POLR1B: variants seen among roughly 807,000 people sequenced by gnomAD.
The protein encoded by POLR1B is DNA-directed RNA polymerase I subunit RPA2.
A neutral mutation model predicts 105.8 loss-of-function variants in POLR1B; 30 were observed. The observed-to-expected ratio is 0.28, with a 90% CI of 0.21 to 0.38. The LOEUF (loss-of-function observed/expected upper bound fraction) is 0.38. POLR1B is among the 10% of genes least tolerant of loss of function. POLR1B has a pLI of 1.00. For synonymous variants in POLR1B, 485 were observed against 505.1 expected (o/e 0.96, Z 0.53); for missense variants, 976 against 1,435.8 (o/e 0.68, Z 5.17).
rs764311376 is a variant in POLR1B at position 112,547,502 on chromosome 2, T to A, written c.427T>A (p.Ser143Thr). 2 of 1,614,006 alleles carry A rather than the reference T, an allele frequency of 1.2e-6. No homozygotes were observed. The highest frequency in any genetic ancestry group is 2.7e-5 in the African/African-American group (2 of 74,894). Residue 143 changes from serine to threonine, a missense_variant, in exon 3 of 15, where the codon TCC (serine) becomes ACC (threonine). Physicochemically the swap from Ser to Thr is moderately conservative, Grantham distance 58. Coordinates refer to ENST00000263331, the MANE Select transcript of POLR1B (RefSeq NM_019014.6). ...TGGCTATGTTCCCATCATGGTGAAA[T>A]CCAAGCTTTGCAACTTACGTAACCT... ...FLGYVPIMVK[S>T]KLCNLRNLPP...
rs749627780 is a variant in POLR1B, at chr2:112,552,623, T to C, written c.987-22T>C. The C allele has an allele frequency of 3.4e-5, 52 of 1,512,954 alleles. No homozygotes were observed. In the Middle Eastern group the frequency reaches 8.9e-4, roughly 26 times the overall value. 93.7% of individuals were successfully genotyped at this position (1,512,954 alleles called of 1,614,324 possible). A position where few individuals can be genotyped will look rare whatever the true frequency, so the allele number is the denominator to read the frequency against. On this transcript the variant is annotated intron_variant, in intron 6 of 14. Coordinates refer to ENST00000263331, the MANE Select transcript of POLR1B (RefSeq NM_019014.6). ...TTACCAACTGAATTGTTTTAAGCTT[T>C]TTTTTTTTTCTGTTTTCACAGCCAG... is the stretch of plus-strand genomic sequence containing the variant.
At chr2:112,542,095 G>A (rs945766387), upstream of POLR1B, 1 of 1,535,068 alleles carries the variant, frequency 6.5e-7, no homozygotes, top group East Asian at 2.4e-5. Context: ...ACAGGTGAAG[G>A]GAAACAGAAG....
Position 112,575,617 on chromosome 2 carries a change from C to T in POLR1B, c.3296C>T (p.Thr1099Ile). Residue 1099 changes from threonine to isoleucine, a missense_variant, in exon 15 of 15, where the codon ACT becomes ATT. Thr to Ile is a moderately conservative substitution (Grantham distance 89, BLOSUM62 -1). Coordinates refer to ENST00000263331, the MANE Select transcript of POLR1B (RefSeq NM_019014.6). This position sits in a 1 kb window ranked among gnomAD's most constrained non-coding sequence, Gnocchi z 5.3. ...SAMRNRKYNC[T>I]LCSRSDTIDT... is the part of the protein sequence containing the mutation. Reference sequence around the variant, plus strand: ...ATGCGCAACAGAAAATACAACTGTACTCTGTGTAGTCGCAGTGACACTATC... The same window carrying T: ...ATGCGCAACAGAAAATACAACTGTATTCTGTGTAGTCGCAGTGACACTATC... 1 of 1,614,138 alleles carries T rather than the reference C, an allele frequency of 6.2e-7. No individual in the cohort carries two copies.
Position 112,551,939 on chromosome 2 carries a change from A to C in POLR1B, c.927A>C (p.Arg309Ser). 1 of 1,614,226 alleles carries C rather than the reference A, an allele frequency of 6.2e-7. No homozygotes were observed. The highest frequency in any genetic ancestry group is 8.5e-7 in the Non-Finnish European group (1 of 1,180,052). ...TTAACTACCTAGGTGAATGCTTCAGAGTAAAACTCAATGTTCCTGACTGGT... is the reference window on the plus strand; with the variant it reads ...TTAACTACCTAGGTGAATGCTTCAGCGTAAAACTCAATGTTCCTGACTGGT... Reference protein sequence around the residue: ...QVLNYLGECFRVKLNVPDWYP... With the variant: ...QVLNYLGECFSVKLNVPDWYP... The change falls in exon 6 of 15, where the codon AGA (arginine) becomes AGC (serine). Residue 309 changes from arginine to serine, a missense_variant. Coordinates refer to ENST00000263331, the MANE Select transcript of POLR1B (RefSeq NM_019014.6).
In POLR1B at chr2:112,576,089, A is replaced by C. The variant is rs1684845734; in HGVS notation, c.*360A>C. 1 of 185,120 alleles carries C rather than the reference A, an allele frequency of 5.4e-6. No individual in the cohort carries two copies. The highest frequency in any genetic ancestry group is 2.4e-5 in the African/African-American group (1 of 42,256). 11.5% of individuals were successfully genotyped at this position (185,120 alleles called of 1,614,324 possible). A position where few individuals can be genotyped will look rare whatever the true frequency, so the allele number is the denominator to read the frequency against. On this transcript the variant is annotated 3_prime_UTR_variant, in exon 15 of 15. Coordinates refer to ENST00000263331, the MANE Select transcript of POLR1B (RefSeq NM_019014.6). ...AATCCATCTTGAGCAGGACAGTACT[A>C]TACAAATAGAATGCAAGCTGTAATG...
rs370920579 is a variant in POLR1B at position 112,542,472 on chromosome 2, G to T, written c.-23G>T. The T allele has an allele frequency of 1.9e-6, 3 of 1,613,614 alleles. No individual in the cohort carries two copies. In the South Asian group the frequency reaches 3.3e-5, roughly 18 times the overall value. ...GCGTCCGGCGTGTACCGAGAGACTG[G>T]CGTCCGGTGTGCAGGTGGCCACATG... On this transcript the variant is annotated 5_prime_UTR_variant, in exon 1 of 15. Transcript: ENST00000263331.
chr2:112,551,191 G>A lies in POLR1B; in HGVS notation c.762+189G>A, dbSNP rs111982100. ...TCTGTCTCACAGTTTCTGCGGGTCG[G>A]GAGTTTGGGAGTGCTTTGGCTGGGC... is the stretch of plus-strand genomic sequence containing the variant. On this transcript the variant is annotated intron_variant, in intron 5 of 14. Coordinates refer to ENST00000263331, the MANE Select transcript of POLR1B (RefSeq NM_019014.6). Among the ~76,000 whole-genome samples, 1,363 of 152,290 alleles carry A rather than the reference G, an allele frequency of 9.0e-3. 13 individuals carry two copies. Among genetic ancestry groups the A allele is most frequent in the African/African-American group, 0.018 (739 of 41,552 alleles).
upstream of POLR1B, chr2:112,542,180 C>G (rs1032353067): frequency 3.9e-6 from 6 of 1,535,618 alleles, no homozygotes; most frequent in East Asian, 2.4e-5. Context: ...ACATGCTCAA[C>G]TGGGCGGGGA....
Position 112,564,390 on chromosome 2 carries a change from C to G in POLR1B, c.1637C>G (p.Pro546Arg), listed in dbSNP as rs1181157081. 1.9e-6 allele frequency: 3 copies of G among 1,614,042 alleles called. No homozygotes were observed. The Admixed American group carries it at 5.0e-5, about 27-fold the overall frequency. The change falls in exon 10 of 15, where the codon CCC becomes CGC. Residue 546 changes from proline to arginine, a missense_variant. Transcript: ENST00000263331. ...NLGVTPIDGA[P>R]HRSYSECYPV... ...GGGGTCACTCCCATTGATGGAGCTC[C>G]CCACCGATCATACAGTGAGTGCTAC... is the stretch of plus-strand genomic sequence containing the variant.
chr2:112,552,688 T>A lies in POLR1B; in HGVS notation c.1030T>A (p.Tyr344Asn). 1 of 1,610,446 alleles carries A rather than the reference T, an allele frequency of 6.2e-7. No individual in the cohort carries two copies. The highest frequency in any genetic ancestry group is 8.5e-7 in the Non-Finnish European group (1 of 1,178,484). The change falls in exon 7 of 15, where the codon TAT (tyrosine) becomes AAT (asparagine). Residue 344 changes from tyrosine (Y) to asparagine (N), a missense_variant. Around this residue, in one of 12 missense-constraint regions of POLR1B, gnomAD observed 452 missense variants for 616.5 expected, o/e 0.73. Coordinates refer to ENST00000263331, the MANE Select transcript of POLR1B (RefSeq NM_019014.6). ...IHLKSNTEKF[Y>N]MLCLMTRKLF... ...CTTGAAATCCAATACTGAAAAGTTT[T>A]ATATGCTTTGTCTCATGACGCGAAA...
intron 1 of POLR1B, among the ~76,000 whole-genome samples, chr2:112,544,211 A>C (rs918706657): frequency 6.6e-6 from 1 of 152,064 alleles, no homozygotes; most frequent in Non-Finnish European, 1.5e-5. Context: ...CGGGTGGATC[A>C]CTTGAGGTCA....
chr2:112,560,686 G>GA (rs951960541), intron 9 of POLR1B, among the ~76,000 whole-genome samples: 1 of 152,068 alleles, frequency 6.6e-6, no homozygotes, highest in African/African-American at 2.4e-5. Flanking sequence ...AGTTCATGGG[G>GA]ATCAGATGAT....
chr2:112,563,888 C>A (rs898384895), intron 9 of POLR1B, among the ~76,000 whole-genome samples: 2 of 152,126 alleles, frequency 1.3e-5, no homozygotes, highest in Admixed American at 1.3e-4. Flanking sequence ...CAGAGCAAGA[C>A]CCTGTCTCAA....
At position 112,549,279 on chromosome 2, in the gene POLR1B, T is replaced by A; in HGVS notation, c.505T>A (p.Tyr169Asn). 1 of 1,612,000 alleles carries A rather than the reference T, an allele frequency of 6.2e-7. No individual in the cohort carries two copies. Among genetic ancestry groups the A allele is most frequent in the Non-Finnish European group, 8.5e-7 (1 of 1,179,422 alleles). ...ATCTTTTTGGCAGGAAATGGGGGGC[T>A]ATTTTATAATCAATGGCATTGAAAA... ...HHEEAEEMGGYFIINGIEKVI... is the reference protein window; with the variant it reads ...HHEEAEEMGGNFIINGIEKVI... The change falls in exon 4 of 15, where the codon TAT (tyrosine) becomes AAT (asparagine). Residue 169 changes from tyrosine to asparagine, a missense_variant. Transcript: ENST00000263331.
chr2:112,567,876 T>C, intron 10 of POLR1B, 91 bp from the exon 11 acceptor site: 1 of 1,093,160 alleles, frequency 9.1e-7, no homozygotes, highest in South Asian at 1.5e-5. Context: ...TGGCTGAGTG[T>C]GGATGAGTGG....
intron 9 of POLR1B, among the ~76,000 whole-genome samples, chr2:112,562,000 C>CA (rs1684014187): frequency 6.6e-6 from 1 of 151,968 alleles, no homozygotes; most frequent in Non-Finnish European, 1.5e-5. Flanking sequence ...CAGCTTCCAA[C>CA]AAAAAATCAC....
intron 1 of POLR1B, 144 bp from the exon 2 acceptor site, chr2:112,546,868 G>T: frequency 1.2e-6 from 1 of 835,704 alleles, no homozygotes; most frequent in Admixed American, 2.8e-5. Context: ...CGGCCAACTG[G>T]AGGTAGCCTT....
At chr2:112,557,231 A>G (rs909795723) in intron 7 of POLR1B, among the ~76,000 whole-genome samples, 10 of 152,242 alleles carry the variant, frequency 6.6e-5, no homozygotes, top group Non-Finnish European at 1.5e-4. Flanking sequence ...GGCTGCAGTG[A>G]AAAAATATAC....
chr2:112,542,393 C>G (rs1183478685), upstream of POLR1B: 4 of 1,610,098 alleles, frequency 2.5e-6, no homozygotes, highest in Non-Finnish European at 3.4e-6. Flanking sequence ...CATTTCCCAG[C>G]AGGCTGCGGA....
Sources: gnomAD v4.1 joint callset for allele counts (sites outside exome capture counted in the v4.1 genomes callset) on GRCh38, gnomAD v4.1.1 for gene constraint, gnomAD v4.1.1 regional missense constraint, Gnocchi (gnomAD v3.1) non-coding constraint, MANE v1.5 for transcripts, NCBI Gene and HGNC (gene_info 2026-07-23, HGNC 2026-07-21) for gene names.